Variants in FBLN5 observed in about 807,000 individuals in gnomAD.
FBLN5 encodes the protein fibulin 5.
Under a neutral mutation model 61.6 loss-of-function variants are expected in FBLN5, and 24 were observed. The ratio of observed to expected loss-of-function variants is 0.39; its 90% CI spans 0.28 to 0.55. FBLN5 has a LOEUF of 0.55. Among genes scored for constraint, FBLN5 ranks in the 20% least tolerant of loss-of-function variants. The probability of loss-of-function intolerance (pLI) is 0.65; values close to 1 mark genes in which losing one functional copy is unlikely to be tolerated. For missense variants in FBLN5, 470 were observed against 594.1 expected, an observed-to-expected ratio of 0.79 and a Z score of 2.17; for synonymous variants, 213 against 219.8, an observed-to-expected ratio of 0.97 and a Z score of 0.27.
chr14:91,872,493 G>T (rs1781608126), intron 10 of FBLN5, among the ~76,000 whole-genome samples: 1 of 152,160 alleles, frequency 6.6e-6, no homozygotes, highest in Admixed American at 6.5e-5. Flanking sequence ...AACCTAGCTG[G>T]TTTAAAGCTA....
chr14:91,883,933 CAG>C (rs1271083154), intron 7 of FBLN5, among the ~76,000 whole-genome samples: 1 of 152,196 alleles, frequency 6.6e-6, no homozygotes, highest in Non-Finnish European at 1.5e-5. Context: ...TCATCACACA[CAG>C]AGTTTGGCAA....
In FBLN5 at chr14:91,882,098, A is replaced by C. The variant is rs1245500562; in HGVS notation, c.863-680T>G. On this transcript the variant is annotated intron_variant, in intron 8 of 10. Coordinates refer to ENST00000342058, the MANE Select transcript of FBLN5 (RefSeq NM_006329.4). This position sits in a 1 kb window ranked among gnomAD's most constrained non-coding sequence, Gnocchi z 4.9. Reference sequence around the variant, plus strand: ...CTTGAACCCGGGAGGCAGAGGCTGCAGTAAGCCAAGATCACACCACTGAAC... The same window carrying C: ...CTTGAACCCGGGAGGCAGAGGCTGCCGTAAGCCAAGATCACACCACTGAAC... 7.2e-5 allele frequency among the ~76,000 whole-genome samples: 11 copies of C among 152,170 alleles called. No individual in the cohort carries two copies.
chr14:91,924,861 T>C (rs1367848176), intron 4 of FBLN5, among the ~76,000 whole-genome samples: 1 of 152,172 alleles, frequency 6.6e-6, no homozygotes, highest in Non-Finnish European at 1.5e-5. Context: ...ACTTCATCCC[T>C]GTCCCCACGG....
intron 4 of FBLN5, among the ~76,000 whole-genome samples, chr14:91,907,678 G>T (rs1164569033): frequency 6.6e-6 from 1 of 151,800 alleles, no homozygotes; most frequent in Non-Finnish European, 1.5e-5. Context: ...AGAACGAGGA[G>T]GATAATGGAG....
At chr14:91,928,555 T>C (rs1389392317) in intron 4 of FBLN5, among the ~76,000 whole-genome samples, 1 of 148,156 alleles carries the variant, frequency 6.7e-6, no homozygotes, top group Non-Finnish European at 1.5e-5. Flanking sequence ...GAGGATCGCT[T>C]GAGCCCAGGA....
chr14:91,912,754 G>A (rs1421968509), intron 4 of FBLN5, among the ~76,000 whole-genome samples: 3 of 150,670 alleles, frequency 2.0e-5, no homozygotes, highest in African/African-American at 2.4e-5. Context: ...AGGCTGCCAT[G>A]AGCCATGTTT....
intron 4 of FBLN5, among the ~76,000 whole-genome samples, chr14:91,920,376 T>C (rs1284646953): frequency 6.6e-6 from 1 of 152,228 alleles, no homozygotes; most frequent in Non-Finnish European, 1.5e-5. Flanking sequence ...CTATCCCCAG[T>C]GTCTCGAAAT....
In FBLN5 at chr14:91,881,843, T is replaced by C. The variant is rs950174074; in HGVS notation, c.863-425A>G. On this transcript the variant is annotated intron_variant, in intron 8 of 10. Coordinates refer to ENST00000342058, the MANE Select transcript of FBLN5 (RefSeq NM_006329.4). ...CATCTCATCAATAATAATTTTTATATTGAATACATGCTGAAATAATATTTT... is the reference window on the plus strand; with the variant it reads ...CATCTCATCAATAATAATTTTTATACTGAATACATGCTGAAATAATATTTT... Among the ~76,000 whole-genome samples, 7 of 151,950 alleles carry C rather than the reference T, an allele frequency of 4.6e-5. 1 individual carries two copies. In the East Asian group the frequency reaches 5.8e-4, roughly 13 times the overall value.
At chr14:91,929,698 G>GA (rs113857192) in intron 4 of FBLN5, among the ~76,000 whole-genome samples, 11,539 of 152,158 alleles carry the variant, frequency 0.076, 1,060 homozygotes, top group African/African-American at 0.2. Context: ...CAAATTGCAT[G>GA]AAAAAAATAA....
At chr14:91,905,034 A>G (rs1890623170) in intron 4 of FBLN5, among the ~76,000 whole-genome samples, 2 of 152,076 alleles carry the variant, frequency 1.3e-5, no homozygotes, top group Admixed American at 1.3e-4. Context: ...CAGGAAATCT[A>G]TTTTTCAAGC....
intron 4 of FBLN5, among the ~76,000 whole-genome samples, chr14:91,901,368 A>AC (rs1298185144): frequency 6.6e-6 from 1 of 152,130 alleles, no homozygotes; most frequent in East Asian, 1.9e-4. Flanking sequence ...TGGAAGACAC[A>AC]CCTTTCCAAG....
intron 4 of FBLN5, among the ~76,000 whole-genome samples, chr14:91,932,420 C>T (rs746993425): frequency 9.2e-5 from 14 of 152,176 alleles, no homozygotes; most frequent in Non-Finnish European, 1.8e-4. Flanking sequence ...ACTGGCCACC[C>T]AGGTGCTGAG....
chr14:91,923,655 G>C (rs1234622633), intron 4 of FBLN5, among the ~76,000 whole-genome samples: 1 of 152,120 alleles, frequency 6.6e-6, no homozygotes, highest in East Asian at 1.9e-4. Context: ...TAGCACCTGG[G>C]ACATATTGCT....
intron 10 of FBLN5, among the ~76,000 whole-genome samples, chr14:91,871,853 T>TAA (rs111668602): frequency 2.3e-5 from 3 of 132,882 alleles, no homozygotes; most frequent in Non-Finnish European, 3.2e-5. Flanking sequence ...AGACTCCAGC[T>TAA]AAAAAAAAAA....
intron 5 of FBLN5, 55 bp downstream of exon 5, chr14:91,894,895 C>A: frequency 1.4e-6 from 2 of 1,403,730 alleles, no homozygotes; most frequent in Non-Finnish European, 1.9e-6. Context: ...CTCAAAATGC[C>A]CCTGGCAACC....
At chr14:91,937,703 A>G (rs1252262141) in intron 3 of FBLN5, among the ~76,000 whole-genome samples, 1 of 152,194 alleles carries the variant, frequency 6.6e-6, no homozygotes, top group Non-Finnish European at 1.5e-5. Context: ...AACTCTGCAG[A>G]GAGCCCCCAC....
intron 4 of FBLN5, among the ~76,000 whole-genome samples, chr14:91,935,607 G>A (rs1241506305): frequency 6.6e-6 from 1 of 152,318 alleles, no homozygotes. Context: ...GGAGAAGTTA[G>A]GGGAGCTGGA....
intron 7 of FBLN5, among the ~76,000 whole-genome samples, chr14:91,884,835 C>G (rs961082126): frequency 6.6e-6 from 1 of 152,218 alleles, no homozygotes; most frequent in Admixed American, 6.5e-5. Context: ...AGACCCTACT[C>G]GGTTTATCTT....
At chr14:91,887,062 C>G (rs555808518) in intron 7 of FBLN5, 131 bp downstream of exon 7, 71 of 980,478 alleles carry the variant, frequency 7.2e-5, no homozygotes, top group Non-Finnish European at 1.1e-4. Flanking sequence ...ACCCCACTGC[C>G]CTGGAGGATG....
Sources: gnomAD v4.1 joint callset for allele counts (sites outside exome capture counted in the v4.1 genomes callset) on GRCh38, gnomAD v4.1.1 for gene constraint, Gnocchi (gnomAD v3.1) non-coding constraint, MANE v1.5 for transcripts, NCBI Gene and HGNC (gene_info 2026-07-23, HGNC 2026-07-21) for gene names.